ZNF737: variants seen among roughly 807,000 people sequenced by gnomAD.
The protein encoded by ZNF737 is zinc finger protein 737.
A neutral mutation model predicts 11.7 loss-of-function variants in ZNF737; 13 were observed. The observed-to-expected ratio is 1.11, with a 90% CI of 0.73 to 1.77. The LOEUF is 1.77. ZNF737 is among the 40% of genes most tolerant of loss of function. The probability of loss-of-function intolerance (pLI) is 0.00; values close to 1 mark genes in which losing one functional copy is unlikely to be tolerated. For synonymous variants in ZNF737, 217 were observed against 216.2 expected, an observed-to-expected ratio of 1.00 and a Z score of -0.03; for missense variants, 636 against 638.0, an observed-to-expected ratio of 1.00 and a Z score of 0.03.
In ZNF737 at chr19:20,552,480, G is replaced by A; in HGVS notation, c.221C>T (p.Pro74Leu). ...TCATTTTCACTTGCACCTACCTGAG[G>A]GGTTGGCTACCATCTCATGTTTCTT... ...TMKKHEMVANPSVTCSHFARD... is the reference protein window; with the variant it reads ...TMKKHEMVANLSVTCSHFARD... Residue 74 changes from proline (P) to leucine (L), a missense_variant, in exon 3 of 4, where the codon CCC (proline) becomes CTC (leucine). Pro to Leu is a moderately conservative substitution (Grantham distance 98). Coordinates refer to ENST00000427401, the MANE Select transcript of ZNF737 (RefSeq NM_001159293.2). The A allele has an allele frequency of 2.5e-6, 4 of 1,584,160 alleles. No individual in the cohort carries two copies. Among genetic ancestry groups the A allele is most frequent in the South Asian group, 2.3e-5 (2 of 85,356 alleles).
At chr19:20,550,660 T>C (rs1599418119) in intron 3 of ZNF737, among the ~76,000 whole-genome samples, 1 of 151,880 alleles carries the variant, frequency 6.6e-6, no homozygotes, top group South Asian at 2.1e-4. Flanking sequence ...AACATTAAGG[T>C]TGGAAAATTG....
intron 3 of ZNF737, 123 bp from the exon 4 acceptor site, chr19:20,546,099 CTG>C: frequency 8.2e-7 from 1 of 1,217,204 alleles, no homozygotes; most frequent in Non-Finnish European, 1.1e-6. Context: ...ATACCACAAA[CTG>C]TAATTTCTTC....
rs1555755110 is a variant in ZNF737 at position 20,541,600 on chromosome 19, G to GT, written c.*2991dup. 1 of 209,928 alleles carries GT rather than the reference G, an allele frequency of 4.8e-6. No individual in the cohort carries two copies. The highest frequency in any genetic ancestry group is 2.4e-5 in the African/African-American group (1 of 42,384). The allele number at this position is 209,928 out of a possible 1,614,324, so 13.0% of individuals were successfully genotyped here. ...ATGTGCCACCATGCCTAATTTTTGT[G>GT]TTTTTAGTAGAGACAAGGTTTCACC... On this transcript the variant is annotated 3_prime_UTR_variant, in exon 4 of 4. Coordinates refer to ENST00000427401, the MANE Select transcript of ZNF737 (RefSeq NM_001159293.2).
At chr19:20,553,685 A>T in intron 2 of ZNF737, 24 bp downstream of exon 2, 2 of 1,606,150 alleles carry the variant, frequency 1.2e-6, no homozygotes, top group Non-Finnish European at 1.7e-6. Context: ...TATATTATGA[A>T]TTATGTATTA....
intron 1 of ZNF737, among the ~76,000 whole-genome samples, chr19:20,554,057 G>A (rs1968794891): frequency 6.6e-6 from 1 of 152,166 alleles, no homozygotes; most frequent in African/African-American, 2.4e-5. Context: ...TATTTTTCTA[G>A]ATAGTAAAGT....
intron 1 of ZNF737, among the ~76,000 whole-genome samples, chr19:20,558,082 T>G (rs1968955485): frequency 6.6e-6 from 1 of 151,664 alleles, no homozygotes; most frequent in Admixed American, 6.6e-5. Flanking sequence ...GACCAGATGG[T>G]GAAACCCCAT....
At chr19:20,551,581 G>A (rs1458957590) in intron 3 of ZNF737, among the ~76,000 whole-genome samples, 2 of 151,856 alleles carry the variant, frequency 1.3e-5, no homozygotes, top group East Asian at 3.9e-4. Flanking sequence ...AATACACTGA[G>A]TAAATTAGCA....
chr19:20,542,343 C>G lies in ZNF737; in HGVS notation c.*2249G>C. 3 of 386,740 alleles carry G rather than the reference C, an allele frequency of 7.8e-6. No homozygotes were observed. The highest frequency in any genetic ancestry group is 1.1e-5 in the Non-Finnish European group (3 of 283,278). 24.0% of individuals were successfully genotyped at this position (386,740 alleles called of 1,614,324 possible). A position where few individuals can be genotyped will look rare whatever the true frequency, so the allele number is the denominator to read the frequency against. ...TCCCAGGTTCAAGTGTTTCTCCTGC[C>G]TCAGCCTCCTGAGTAGCTGAGATTA... On this transcript the variant is annotated 3_prime_UTR_variant, in exon 4 of 4. Coordinates refer to ENST00000427401, the MANE Select transcript of ZNF737 (RefSeq NM_001159293.2).
In ZNF737 at chr19:20,543,126, A is replaced by AT. The variant is rs1968287374; in HGVS notation, c.*1465dup. 16 of 953,652 alleles carry AT rather than the reference A, an allele frequency of 1.7e-5. No homozygotes were observed. The highest frequency in any genetic ancestry group is 1.9e-5 in the Non-Finnish European group (15 of 801,466). The allele number at this position is 953,652 out of a possible 1,614,324, so 59.1% of individuals were successfully genotyped here. Reference sequence around the variant, plus strand: ...ATATACAATCTATTTTGAATTAAATATTTTTTAATATTTACTGCATCTGCA... The same window carrying AT: ...ATATACAATCTATTTTGAATTAAATATTTTTTTAATATTTACTGCATCTGCA... On this transcript the variant is annotated 3_prime_UTR_variant, in exon 4 of 4. Coordinates refer to ENST00000427401, the MANE Select transcript of ZNF737 (RefSeq NM_001159293.2).
At chr19:20,561,445 AG>A (rs1160275691) in intron 1 of ZNF737, among the ~76,000 whole-genome samples, 3 of 151,966 alleles carry the variant, frequency 2.0e-5, no homozygotes, top group Admixed American at 1.3e-4. Flanking sequence ...CTGTGGGAAA[AG>A]GGGGTCTGTC....
downstream of ZNF737, among the ~76,000 whole-genome samples, chr19:20,532,174 G>T (rs782017199): frequency 4.0e-5 from 6 of 149,830 alleles, no homozygotes; most frequent in Non-Finnish European, 8.9e-5. Flanking sequence ...ACCATTTGGG[G>T]CCTGTCTCGA....
At chr19:20,557,418 G>A (rs894946949) in intron 1 of ZNF737, among the ~76,000 whole-genome samples, 12 of 150,164 alleles carry the variant, frequency 8.0e-5, no homozygotes, top group South Asian at 2.1e-4. Context: ...TCAGGGTGAG[G>A]ACCCTATGTA....
chr19:20,539,238 T>C lies in ZNF737; in HGVS notation c.*5354A>G, dbSNP rs1395115212. The C allele has an allele frequency of 3.4e-6, 3 of 876,314 alleles. No individual in the cohort carries two copies. Among genetic ancestry groups the C allele is most frequent in the Non-Finnish European group, 2.7e-6 (2 of 730,892 alleles). 54.3% of individuals were successfully genotyped at this position (876,314 alleles called of 1,614,324 possible). ...CAGGGAGGTGGAGGTTGCAGTGAGC[T>C]GAGCACGTACCATTGCAGTGCAGCG... On this transcript the variant is annotated 3_prime_UTR_variant, in exon 4 of 4. Transcript: ENST00000427401.
chr19:20,530,391 A>ACCCCCCACCTCCCTCCCGGACGGGGTGG, the ZNF737 span, among the ~76,000 whole-genome samples: 20 of 136,128 alleles, frequency 1.5e-4, 6 homozygotes, highest in African/African-American at 4.7e-4. Flanking sequence ...GGACGGGGCG[A>ACCCCCCACCTCCCTCCCGGACGGGGTGG]CTGGCCTGAC....
chr19:20,537,517 T>C (rs1272641553), downstream of ZNF737, among the ~76,000 whole-genome samples: 1 of 104,966 alleles, frequency 9.5e-6, no homozygotes, highest in East Asian at 2.2e-4. Flanking sequence ...TTCTATTTTT[T>C]TTTTTTTTTT....
chr19:20,559,094 A>G (rs1401240869), intron 1 of ZNF737, among the ~76,000 whole-genome samples: 2 of 152,236 alleles, frequency 1.3e-5, no homozygotes, highest in African/African-American at 4.8e-5. Flanking sequence ...AAAACCTAGG[A>G]AATACCATTC....
At chr19:20,548,980 A>AAC (rs1491170549) in intron 3 of ZNF737, among the ~76,000 whole-genome samples, 3 of 66,502 alleles carry the variant, frequency 4.5e-5, no homozygotes, top group Non-Finnish European at 9.0e-5. Context: ...AAAAAAAAAA[A>AAC]CAATTATGTA....
In ZNF737 at chr19:20,540,478, T is replaced by C. The variant is rs61665467; in HGVS notation, c.*4114A>G. Among the ~76,000 whole-genome samples, 2,435 of 152,190 alleles carry C rather than the reference T, an allele frequency of 0.016. 69 individuals carry two copies. The highest frequency in any genetic ancestry group is 0.056 in the African/African-American group (2,305 of 41,514). On this transcript the variant is annotated 3_prime_UTR_variant, in exon 4 of 4. Transcript: ENST00000427401. The stretch of plus-strand genomic sequence containing the variant: ...CTAAATAAATGTTTAAAATCATCTT[T>C]TGCTGGGCACGGTGGCTCATGATTC...
rs574886482 is a variant in ZNF737 at position 20,545,524 on chromosome 19, T to C, written c.679A>G (p.Lys227Glu). ...TTHKRIHTGE[K>E]RYKCEDCGKA... ...CCACAGTCTTCACATTTGTACCGTTTCTCTCCAGTATGAATTCTCTTATGT... is the reference window on the plus strand; with the variant it reads ...CCACAGTCTTCACATTTGTACCGTTCCTCTCCAGTATGAATTCTCTTATGT... Residue 227 changes from lysine (K) to glutamate (E), a missense_variant, in exon 4 of 4, where the codon AAA becomes GAA. Lys to Glu is a moderately conservative substitution (Grantham distance 56). Transcript: ENST00000427401. 1.9e-5 allele frequency: 31 copies of C among 1,613,494 alleles called. No homozygotes were observed. The highest frequency in any genetic ancestry group is 2.5e-5 in the Non-Finnish European group (30 of 1,179,832).
Sources: gnomAD v4.1 joint callset for allele counts (sites outside exome capture counted in the v4.1 genomes callset) on GRCh38, gnomAD v4.1.1 for gene constraint, MANE v1.5 for transcripts, NCBI Gene and HGNC (gene_info 2026-07-23, HGNC 2026-07-21) for gene names.